The following STXBP5L variants were observed in gnomAD, a reference collection of about 807,000 sequenced individuals.
STXBP5L encodes the protein syntaxin-binding protein 5-like.
Under a neutral mutation model 144.5 loss-of-function variants are expected in STXBP5L, and 65 were observed. That is an observed-to-expected ratio of 0.45 (90% CI 0.37 to 0.55). The LOEUF is 0.55. Among genes scored for constraint, STXBP5L ranks in the 20% least tolerant of loss-of-function variants. The probability of loss-of-function intolerance (pLI) is 0.00; values close to 1 mark genes in which losing one functional copy is unlikely to be tolerated. For synonymous variants in STXBP5L, 505 were observed against 469.6 expected, an observed-to-expected ratio of 1.08 and a Z score of -0.97; for missense variants, 1,298 against 1,405.5, an observed-to-expected ratio of 0.92 and a Z score of 1.22.
chr3:121,184,483 A>C (rs1247268459), intron 9 of STXBP5L, among the ~76,000 whole-genome samples: 3 of 151,796 alleles, frequency 2.0e-5, no homozygotes, highest in African/African-American at 7.3e-5. Context: ...AGATCACCTT[A>C]ATGAAATAAA....
intron 5 of STXBP5L, among the ~76,000 whole-genome samples, chr3:121,069,938 A>G (rs932192262): frequency 2.7e-4 from 41 of 152,174 alleles, no homozygotes; most frequent in African/African-American, 9.4e-4. Flanking sequence ...ATTTAATGCT[A>G]TGTACTTTCC....
At chr3:121,373,781 C>T (rs889892106) in intron 20 of STXBP5L, among the ~76,000 whole-genome samples, 3 of 152,176 alleles carry the variant, frequency 2.0e-5, no homozygotes, top group Admixed American at 6.5e-5. Context: ...TACTGGCACC[C>T]ATGCATGCCA....
chr3:121,224,303 T>C (rs1242540043), intron 11 of STXBP5L, among the ~76,000 whole-genome samples: 2 of 151,992 alleles, frequency 1.3e-5, no homozygotes, highest in African/African-American at 4.8e-5. Flanking sequence ...ATGTATTAAC[T>C]TACTTTAAAT....
chr3:120,920,395 T>G (rs185926041), intron 2 of STXBP5L, among the ~76,000 whole-genome samples: 1 of 151,806 alleles, frequency 6.6e-6, no homozygotes, highest in African/African-American at 2.4e-5. Context: ...CACATATTTT[T>G]GGGGTACATA....
intron 5 of STXBP5L, among the ~76,000 whole-genome samples, chr3:121,052,618 G>A (rs1316594328): frequency 6.6e-6 from 1 of 152,118 alleles, no homozygotes; most frequent in Non-Finnish European, 1.5e-5. Context: ...AGCTATCTAT[G>A]ACAAACCCAC....
chr3:121,066,294 G>C (rs2041538724), intron 5 of STXBP5L, among the ~76,000 whole-genome samples: 1 of 151,576 alleles, frequency 6.6e-6, no homozygotes, highest in East Asian at 1.9e-4. Context: ...GATATTTGCT[G>C]GAAGATTTTT....
chr3:121,291,378 AC>A (rs1201744993), intron 19 of STXBP5L, among the ~76,000 whole-genome samples: 1 of 152,204 alleles, frequency 6.6e-6, no homozygotes, highest in Non-Finnish European at 1.5e-5. Context: ...AAGGAAAACT[AC>A]AAAACACTGC....
intron 3 of STXBP5L, among the ~76,000 whole-genome samples, chr3:121,024,995 T>A (rs1461064435): frequency 6.6e-6 from 1 of 152,130 alleles, no homozygotes; most frequent in African/African-American, 2.4e-5. Context: ...TAGTTTAAAT[T>A]GAGGTCTCCA....
At position 121,170,699 on chromosome 3, in the gene STXBP5L, A is replaced by G. The variant is rs147966255; in HGVS notation, c.877+13072A>G. On this transcript the variant is annotated intron_variant, in intron 9 of 26. Coordinates refer to ENST00000471454, the MANE Select transcript of STXBP5L (RefSeq NM_001308330.2). ...AAGTTCTAAAATTGAGGCAGTAATT[A>G]TTAGCCTACCAACCAAAAACAACCC... 8.2e-3 allele frequency among the ~76,000 whole-genome samples: 1,252 copies of G among 152,346 alleles called. 20 individuals are homozygous for G. Among genetic ancestry groups the G allele is most frequent in the African/African-American group, 0.028 (1,171 of 41,588 alleles).
chr3:121,211,578 C>CTTTTTTTTTTTTTTT (rs1188424283), intron 10 of STXBP5L, among the ~76,000 whole-genome samples: 2 of 110,258 alleles, frequency 1.8e-5, no homozygotes, highest in Non-Finnish European at 1.7e-5. Context: ...TTTTTTCTTT[C>CTTTTTTTTTTTTTTT]TTTTTTTTTT....
chr3:120,915,200 T>C (rs528567591), intron 2 of STXBP5L, among the ~76,000 whole-genome samples: 1 of 152,256 alleles, frequency 6.6e-6, no homozygotes, highest in Non-Finnish European at 1.5e-5. Context: ...TAACATAATT[T>C]CCAAGTATGT....
intron 7 of STXBP5L, among the ~76,000 whole-genome samples, chr3:121,138,952 G>A (rs984498363): frequency 1.3e-5 from 2 of 151,868 alleles, no homozygotes; most frequent in African/African-American, 2.4e-5. Flanking sequence ...AAACAACAGA[G>A]TGAAAAGACA....
intron 2 of STXBP5L, among the ~76,000 whole-genome samples, chr3:120,923,571 C>T (rs1473364392): frequency 1.3e-5 from 2 of 151,594 alleles, no homozygotes; most frequent in African/African-American, 2.4e-5. Flanking sequence ...TTTAAATTTC[C>T]TTCTTAATTT....
intron 20 of STXBP5L, among the ~76,000 whole-genome samples, chr3:121,362,263 C>T (rs1370345154): frequency 6.6e-6 from 1 of 152,176 alleles, no homozygotes; most frequent in Non-Finnish European, 1.5e-5. Context: ...GGGTCTCACC[C>T]AAGGCCTGCT....
At chr3:120,961,249 G>T (rs1186125751) in intron 3 of STXBP5L, among the ~76,000 whole-genome samples, 3 of 147,994 alleles carry the variant, frequency 2.0e-5, no homozygotes, top group African/African-American at 7.4e-5. Context: ...TCAATTAGAG[G>T]CTATACTTTA....
At chr3:121,086,504 A>G (rs1379719881) in intron 5 of STXBP5L, among the ~76,000 whole-genome samples, 3 of 152,104 alleles carry the variant, frequency 2.0e-5, no homozygotes, top group Admixed American at 6.6e-5. Context: ...TTATGTAACA[A>G]TTGCCTACAG....
chr3:121,142,384 A>G (rs1043132241), intron 7 of STXBP5L, among the ~76,000 whole-genome samples: 3 of 152,138 alleles, frequency 2.0e-5, no homozygotes, highest in Non-Finnish European at 2.9e-5. Context: ...GCGGGCTTCA[A>G]TAACACTATA....
intron 5 of STXBP5L, among the ~76,000 whole-genome samples, chr3:121,086,672 A>T (rs540515734): frequency 6.6e-6 from 1 of 152,222 alleles, no homozygotes; most frequent in Admixed American, 6.5e-5. Context: ...CCAGGTGAGC[A>T]TCCCAAACCT....
intron 11 of STXBP5L, among the ~76,000 whole-genome samples, chr3:121,231,492 G>C (rs1356265946): frequency 2.6e-5 from 4 of 152,164 alleles, no homozygotes; most frequent in African/African-American, 7.2e-5. Context: ...TTGCCTGAAG[G>C]CTTTAAGGAC....
Sources: allele counts gnomAD v4.1 joint callset (sites outside exome capture counted in the v4.1 genomes callset), GRCh38; gene constraint gnomAD v4.1.1; transcripts MANE v1.5; gene names NCBI Gene and HGNC (gene_info 2026-07-23, HGNC 2026-07-21).